The following OGA variants were observed in gnomAD, a reference collection of about 807,000 sequenced individuals.
OGA encodes the protein O-GlcNAcase, also known as protein O-GlcNAcase.
In OGA, 21 loss-of-function variants were observed where a neutral mutation model predicts 102.0. The ratio of observed to expected loss-of-function variants is 0.21; its 90% confidence interval spans 0.15 to 0.30. OGA has a LOEUF of 0.30. Among genes scored for constraint, OGA ranks in the 10% least tolerant of loss-of-function variants. The probability of loss-of-function intolerance (pLI) is 1.00; values close to 1 mark genes in which losing one functional copy is unlikely to be tolerated. For synonymous variants in OGA, 408 were observed against 378.2 expected (o/e 1.08, Z -0.91); for missense variants, 765 against 1,107.8 (o/e 0.69, Z 4.39).
Position 101,786,554 on chromosome 10 carries a change from T to G in OGA, c.2648A>C (p.Asp883Ala), listed in dbSNP as rs1564637868. 1 of 1,611,192 alleles carries G rather than the reference T, an allele frequency of 6.2e-7. No homozygotes were observed. The highest frequency in any genetic ancestry group is 8.5e-7 in the Non-Finnish European group (1 of 1,178,884). ...SRGAFCEVRPDDKRILEFYSK... is the reference protein window; with the variant it reads ...SRGAFCEVRPADKRILEFYSK... ...GTAAAATTCCAGAATTCTTTTATCATCTGGTCTCACTTCACAGAAAGCTCC... is the reference window on the plus strand; with the variant it reads ...GTAAAATTCCAGAATTCTTTTATCAGCTGGTCTCACTTCACAGAAAGCTCC... The change falls in exon 16 of 16, where the codon GAT becomes GCT. Residue 883 changes from aspartate to alanine, a missense_variant. Asp to Ala is a moderately radical substitution (Grantham distance 126). This residue lies in a region of OGA where 146 missense variants were observed against 269.7 expected (regional missense o/e 0.54). Coordinates refer to ENST00000361464, the MANE Select transcript of OGA (RefSeq NM_012215.5).
At chr10:101,790,281 T>G (rs2065244069) in intron 14 of OGA, among the ~76,000 whole-genome samples, 1 of 145,400 alleles carries the variant, frequency 6.9e-6, no homozygotes, top group African/African-American at 2.6e-5. Context: ...TTTTTTTTTT[T>G]TTTTTTTTTG....
At chr10:101,804,319 C>T (rs921713569) in intron 6 of OGA, among the ~76,000 whole-genome samples, 71 of 145,968 alleles carry the variant, frequency 4.9e-4, no homozygotes, top group African/African-American at 1.8e-3. Flanking sequence ...GTCGCCCAGG[C>T]TGGAGTACAG....
Position 101,795,891 on chromosome 10 carries a change from G to C in OGA, c.1985-1893C>G, listed in dbSNP as rs553392589. The C allele has an allele frequency of 6.1e-6, 6 of 980,824 alleles. No homozygotes were observed. In the South Asian group the frequency reaches 2.4e-4, roughly 39 times the overall value. 60.8% of individuals were successfully genotyped at this position (980,824 alleles called of 1,614,324 possible). ...GAGCCACAGGCTGGACAAGCTTGCTGTAAGAGCTTGAGATTGTGTAAGAGG... is the reference window on the plus strand; with the variant it reads ...GAGCCACAGGCTGGACAAGCTTGCTCTAAGAGCTTGAGATTGTGTAAGAGG... On this transcript the variant is annotated intron_variant, in intron 10 of 15. Coordinates refer to ENST00000361464, the MANE Select transcript of OGA (RefSeq NM_012215.5).
chr10:101,815,777 G>T (rs1186805924), intron 1 of OGA, among the ~76,000 whole-genome samples: 3 of 151,736 alleles, frequency 2.0e-5, no homozygotes, highest in African/African-American at 7.3e-5. Context: ...TGGCTCTTTT[G>T]AGAGTCAGGT....
intron 3 of OGA, 134 bp downstream of exon 3, chr10:101,812,896 G>A (rs1266975207): frequency 2.6e-6 from 2 of 762,370 alleles, no homozygotes; most frequent in East Asian, 5.4e-5. Flanking sequence ...TAACTGAATA[G>A]TTACCAGATA....
chr10:101,812,882 C>T (rs1377714497), intron 3 of OGA, 148 bp downstream of exon 3: 1 of 727,158 alleles, frequency 1.4e-6, no homozygotes, highest in Admixed American at 2.0e-5. Flanking sequence ...CTTTCAATCT[C>T]AGCTAACTGA....
intron 7 of OGA, among the ~76,000 whole-genome samples, chr10:101,802,670 A>T (rs995556105): frequency 2.1e-4 from 32 of 151,736 alleles, no homozygotes; most frequent in African/African-American, 7.3e-4. Flanking sequence ...ACTCCATCTC[A>T]AAAAGAAAAA....
chr10:101,812,778 A>C, intron 3 of OGA: 1 of 572,008 alleles, frequency 1.7e-6, no homozygotes, highest in Non-Finnish European at 3.3e-6. Flanking sequence ...GGCAGAAGTA[A>C]GCAGCACAAT....
rs2065432260 is a variant in OGA at position 101,803,964 on chromosome 10, C to T, written c.807G>A (p.Lys269=). The change falls in exon 7 of 16, where the codon AAG becomes AAA. Residue 269 remains lysine (K), a synonymous_variant. Transcript: ENST00000361464. ...AGATTACTGGAGCTCTCTTAATAAT[C>T]TTAGAAACCTCTTCGATGGACTCTA... is the stretch of plus-strand genomic sequence containing the variant. ...IPVESIEEVS[K]IIKRAPVIWD... The T allele has an allele frequency of 1.2e-6, 2 of 1,613,872 alleles. No individual in the cohort carries two copies. Among genetic ancestry groups the T allele is most frequent in the Non-Finnish European group, 1.7e-6 (2 of 1,179,904 alleles).
At position 101,809,651 on chromosome 10, in the gene OGA, C is replaced by T. The variant is rs201163262; in HGVS notation, c.480+533G>A. On this transcript the variant is annotated intron_variant, in intron 4 of 15. Transcript: ENST00000361464. Reference sequence around the variant, plus strand: ...GCTTGAACTTGGGAGGTGGAGGTTGCAGTGAGCCGAGATTGGGCCACTGCA... The same window carrying T: ...GCTTGAACTTGGGAGGTGGAGGTTGTAGTGAGCCGAGATTGGGCCACTGCA... Among the ~76,000 whole-genome samples the T allele has an allele frequency of 3.5e-5, 5 of 143,794 alleles. No homozygotes were observed. The East Asian group carries it at 1.0e-3, about 29-fold the overall frequency. The allele number at this position is 143,794 out of a possible 152,430, so 94.3% of individuals were successfully genotyped here.
chr10:101,812,978 T>C, intron 3 of OGA, 52 bp downstream of exon 3: 3 of 1,316,026 alleles, frequency 2.3e-6, no homozygotes, highest in Non-Finnish European at 1.1e-6. Context: ...ATTTAAAATA[T>C]AACCGTTTTC....
intron 7 of OGA, among the ~76,000 whole-genome samples, 168 bp from the exon 8 acceptor site, chr10:101,800,568 C>T (rs1447016813): frequency 2.6e-5 from 4 of 152,054 alleles, no homozygotes; most frequent in African/African-American, 9.7e-5. Context: ...AGACCCTTCA[C>T]CAAACCACTT....
At chr10:101,805,655 CAAAA>C (rs976862193) in intron 6 of OGA, among the ~76,000 whole-genome samples, 5 of 80,726 alleles carry the variant, frequency 6.2e-5, no homozygotes, top group Admixed American at 1.3e-4. Flanking sequence ...TGCTCTGTCT[CAAAA>C]AAAAAAAAAA....
intron 4 of OGA, among the ~76,000 whole-genome samples, chr10:101,808,429 G>C (rs1189227902): frequency 1.3e-5 from 2 of 152,166 alleles, no homozygotes; most frequent in Non-Finnish European, 2.9e-5. Flanking sequence ...AGAAACATGA[G>C]TAAGTAACCT....
intron 11 of OGA, 129 bp downstream of exon 11, chr10:101,793,784 A>G: frequency 1.5e-6 from 1 of 657,274 alleles, no homozygotes; most frequent in Non-Finnish European, 2.7e-6. Context: ...AAATCCAGCT[A>G]TGTAACTAAA....
At chr10:101,814,115 G>A (rs1589842270) in intron 1 of OGA, among the ~76,000 whole-genome samples, 2 of 151,508 alleles carry the variant, frequency 1.3e-5, no homozygotes. Flanking sequence ...ATCACTTGAG[G>A]TCAGGAGTTC....
At chr10:101,807,597 G>A in intron 5 of OGA, 133 bp downstream of exon 5, 1 of 609,828 alleles carries the variant, frequency 1.6e-6, no homozygotes, top group Non-Finnish European at 2.5e-6. Context: ...CTTGAAAAAT[G>A]TCTTCTAAAA....
rs1589819884 is a variant in OGA, at chr10:101,786,264, A to G, written c.*187T>C. The stretch of plus-strand genomic sequence containing the variant: ...TCTCTTTCATACAGGATTTGCTGCA[A>G]TACTATATTCTTCCAACCAGTGAGT... On this transcript the variant is annotated 3_prime_UTR_variant, in exon 16 of 16. Transcript: ENST00000361464. 3.9e-6 allele frequency: 2 copies of G among 509,182 alleles called. No homozygotes were observed. The highest frequency in any genetic ancestry group is 6.4e-6 in the Non-Finnish European group (2 of 313,914). 31.5% of individuals were successfully genotyped at this position (509,182 alleles called of 1,614,324 possible).
Position 101,784,710 on chromosome 10 carries a change from G to T in OGA, c.*1741C>A, listed in dbSNP as rs1279107888. The T allele has an allele frequency of 6.6e-6, 1 of 152,186 alleles. No individual in the cohort carries two copies. Among genetic ancestry groups the T allele is most frequent in the Non-Finnish European group, 1.5e-5 (1 of 68,036 alleles). The allele number at this position is 152,186 out of a possible 1,614,324, so 9.4% of individuals were successfully genotyped here. The stretch of plus-strand genomic sequence containing the variant: ...AAAAGCAAACTTGCTAAAAAATCCT[G>T]AATTCCATGAGGTTAACTCTGAAAT... On this transcript the variant is annotated 3_prime_UTR_variant, in exon 16 of 16. Transcript: ENST00000361464.
Sources: allele counts gnomAD v4.1 joint callset (sites outside exome capture counted in the v4.1 genomes callset), GRCh38; gene constraint gnomAD v4.1.1; regional missense constraint gnomAD v4.1.1; transcripts MANE v1.5; gene names NCBI Gene and HGNC (gene_info 2026-07-23, HGNC 2026-07-21).